Variants in SHISAL2A observed in about 807,000 individuals in gnomAD.
SHISAL2A encodes the protein shisa like 2A.
In SHISAL2A, 18 loss-of-function variants were observed where a neutral mutation model predicts 11.5. The observed-to-expected ratio is 1.57, with a 90% confidence interval of 1.08 to 2.33. The LOEUF (loss-of-function observed/expected upper bound fraction) is 2.33, where lower values mean the gene tolerates loss of function less well. Ranked by LOEUF, SHISAL2A falls within the 30% of genes most tolerant of loss-of-function variation. SHISAL2A has a pLI of 0.00. For synonymous variants in SHISAL2A, 94 were observed against 99.6 expected, an observed-to-expected ratio of 0.94 and a Z score of 0.34; for missense variants, 261 against 250.9, an observed-to-expected ratio of 1.04 and a Z score of -0.27.
intron 5 of SHISAL2A, among the ~76,000 whole-genome samples, chr1:52,668,071 C>T (rs1692044842): frequency 6.6e-6 from 1 of 152,162 alleles, no homozygotes; most frequent in African/African-American, 2.4e-5. Context: ...GCCATGGCAG[C>T]AGGGTGGCTG....
chr1:52,656,840 G>T lies in SHISAL2A; in HGVS notation c.373G>T (p.Ala125Ser). ...DCQGVNTGMA[A>S]EVPKVSPLQQ... ...CCAAGGTGTGAACACAGGCATGGCG[G>T]CAGAAGTGCCAAAAGTGAGCCCTCT... Residue 125 changes from alanine to serine, a missense_variant, in exon 3 of 3, where the codon GCA (alanine) becomes TCA (serine). By Grantham distance (99) the Ala-to-Ser change is moderately conservative. Coordinates refer to ENST00000517870, the MANE Select transcript of SHISAL2A (RefSeq NM_001042693.3). The T allele has an allele frequency of 6.2e-7, 1 of 1,614,024 alleles. No individual in the cohort carries two copies. The highest frequency in any genetic ancestry group is 8.5e-7 in the Non-Finnish European group (1 of 1,179,966).
At chr1:52,652,890 C>T (rs1448406350) in intron 2 of SHISAL2A, among the ~76,000 whole-genome samples, 2 of 134,632 alleles carry the variant, frequency 1.5e-5, no homozygotes, top group Non-Finnish European at 3.1e-5. Flanking sequence ...GGCATGAACC[C>T]TGGAGGGAGA....
At chr1:52,656,523 T>G (rs112211322) in intron 2 of SHISAL2A, among the ~76,000 whole-genome samples, 1 of 152,238 alleles carries the variant, frequency 6.6e-6, no homozygotes, top group African/African-American at 2.4e-5. Context: ...ACCTACCTCA[T>G]AGGGTTATGG....
chr1:52,659,817 T>A (rs1170112063), downstream of SHISAL2A, among the ~76,000 whole-genome samples: 1 of 152,172 alleles, frequency 6.6e-6, no homozygotes, highest in Non-Finnish European at 1.5e-5. Context: ...ATCCAACTTT[T>A]CTCTGAACAC....
chr1:52,635,687 C>A lies in SHISAL2A; in HGVS notation c.182+2012C>A, dbSNP rs573913594. Among the ~76,000 whole-genome samples the A allele has an allele frequency of 1.1e-3, 173 of 152,098 alleles. 3 individuals are homozygous for A. Among genetic ancestry groups the A allele is most frequent in the Non-Finnish European group, 3.1e-4 (21 of 68,028 alleles). Reference sequence around the variant, plus strand: ...ACAAATCATGTGACCTCCAGCTACACGACTCCTGAACCATAATTCTAACCT... The same window carrying A: ...ACAAATCATGTGACCTCCAGCTACAAGACTCCTGAACCATAATTCTAACCT... On this transcript the variant is annotated intron_variant, in intron 1 of 2. Transcript: ENST00000517870.
downstream of SHISAL2A, among the ~76,000 whole-genome samples, chr1:52,658,467 G>A (rs981526589): frequency 6.6e-6 from 1 of 152,142 alleles, no homozygotes; most frequent in Non-Finnish European, 1.5e-5. Flanking sequence ...CAAATGCCTG[G>A]TTAAAATCCT....
At chr1:52,651,901 A>C (rs1309515047) in intron 2 of SHISAL2A, among the ~76,000 whole-genome samples, 1 of 152,228 alleles carries the variant, frequency 6.6e-6, no homozygotes, top group Non-Finnish European at 1.5e-5. Context: ...TGTATTTTCT[A>C]CACCATTTTA....
chr1:52,633,644 C>T lies in SHISAL2A; in HGVS notation c.151C>T (p.Pro51Ser), dbSNP rs558013075. The T allele has an allele frequency of 2.8e-5, 45 of 1,613,304 alleles. No individual in the cohort carries two copies. In the South Asian group the frequency reaches 4.7e-4, roughly 17 times the overall value. The change falls in exon 1 of 3, where the codon CCC becomes TCC. Residue 51 changes from proline to serine, a missense_variant. Transcript: ENST00000517870. The surrounding 1 kb of genome is among the most constrained non-coding windows in gnomAD (Gnocchi z 6.4). ...YCCDDPHSFFPYEHSYMWWLS... is the reference protein window; with the variant it reads ...YCCDDPHSFFSYEHSYMWWLS... ...CTGCGACGACCCGCACAGCTTCTTCCCCTACGAGCACAGCTACATGTGGTG... is the reference window on the plus strand; with the variant it reads ...CTGCGACGACCCGCACAGCTTCTTCTCCTACGAGCACAGCTACATGTGGTG...
At chr1:52,640,163 A>G (rs1027711245) in intron 1 of SHISAL2A, 1 of 152,176 alleles carries the variant, frequency 6.6e-6, no homozygotes, top group Non-Finnish European at 1.5e-5. Flanking sequence ...CCAATAATTT[A>G]TTTAGCCATG....
downstream of SHISAL2A, among the ~76,000 whole-genome samples, chr1:52,659,099 C>T (rs1408903663): frequency 6.6e-6 from 1 of 151,558 alleles, no homozygotes; most frequent in African/African-American, 2.4e-5. Context: ...GAGACAGTCT[C>T]ATTCTGTCAC....
Position 52,657,032 on chromosome 1 carries a change from G to A in SHISAL2A, c.565G>A (p.Val189Ile). The A allele has an allele frequency of 1.9e-6, 3 of 1,599,732 alleles. No homozygotes were observed. The highest frequency in any genetic ancestry group is 2.6e-6 in the Non-Finnish European group (3 of 1,171,614). ...ACCCAACCCTGACCTATGTGGACCAGTCCCATAAACATTCAATAAATGTCT... is the reference window on the plus strand; with the variant it reads ...ACCCAACCCTGACCTATGTGGACCAATCCCATAAACATTCAATAAATGTCT... ...SVPNPDLCGP[V>I]P is the part of the protein sequence containing the mutation. Residue 189 changes from valine to isoleucine, a missense_variant, in exon 3 of 3, where the codon GTC (valine) becomes ATC (isoleucine). Coordinates refer to ENST00000517870, the MANE Select transcript of SHISAL2A (RefSeq NM_001042693.3).
chr1:52,657,771 G>A (rs1571700372), downstream of SHISAL2A, among the ~76,000 whole-genome samples: 1 of 152,108 alleles, frequency 6.6e-6, no homozygotes, highest in Admixed American at 6.6e-5. Context: ...AGGAGAATCA[G>A]TTGAGCCCTG....
At chr1:52,634,120 T>C (rs1019891016) in intron 1 of SHISAL2A, among the ~76,000 whole-genome samples, 1 of 152,160 alleles carries the variant, frequency 6.6e-6, no homozygotes, top group Non-Finnish European at 1.5e-5. Context: ...TCCCCAGTAC[T>C]GACCCCAGAC....
At chr1:52,643,108 C>A in intron 2 of SHISAL2A, 106 bp downstream of exon 2, 1 of 1,141,016 alleles carries the variant, frequency 8.8e-7, no homozygotes, top group Non-Finnish European at 1.3e-6. Context: ...ATGACTATTC[C>A]TGGAATATGC....
At chr1:52,658,044 CT>C (rs10714496), downstream of SHISAL2A, among the ~76,000 whole-genome samples, 98,872 of 147,740 alleles carry the variant, frequency 0.67, 33,767 homozygotes, top group East Asian at 0.98. Context: ...TACTAGAAGA[CT>C]TTTTTTTTTT....
rs1691165931 is a variant in SHISAL2A at position 52,633,256 on chromosome 1, G to GGCCCCCGCCGCCCGCCCCGCCT, written c.-232_-211dup. 1 of 340,112 alleles carries GGCCCCCGCCGCCCGCCCCGCCT rather than the reference G, an allele frequency of 2.9e-6. No individual in the cohort carries two copies. Among genetic ancestry groups the GGCCCCCGCCGCCCGCCCCGCCT allele is most frequent in the African/African-American group, 2.2e-5 (1 of 46,452 alleles). The allele number at this position is 340,112 out of a possible 1,614,324, so 21.1% of individuals were successfully genotyped here. ...TCCAGCAGCCGTCACTCCCGCCGCCGGCCCCCGCCGCCCGCCCCGCCTGCC... is the reference window on the plus strand; with the variant it reads ...TCCAGCAGCCGTCACTCCCGCCGCCGGCCCCCGCCGCCCGCCCCGCCTGCCCCCGCCGCCCGCCCCGCCTGCC... On this transcript the variant is annotated 5_prime_UTR_variant, in exon 1 of 3. Transcript: ENST00000517870. This position sits in a 1 kb window ranked among gnomAD's most constrained non-coding sequence, Gnocchi z 6.4.
chr1:52,636,025 G>A (rs1571675955), intron 1 of SHISAL2A, among the ~76,000 whole-genome samples: 1 of 152,260 alleles, frequency 6.6e-6, no homozygotes, highest in Non-Finnish European at 1.5e-5. Flanking sequence ...TTTGTTGAAG[G>A]CCCACTGTGT....
chr1:52,637,622 C>T (rs752577567), intron 1 of SHISAL2A, among the ~76,000 whole-genome samples: 3 of 152,158 alleles, frequency 2.0e-5, no homozygotes, highest in Admixed American at 1.3e-4. Flanking sequence ...GCAGCCTTGC[C>T]GGAAGGCAGA....
Position 52,642,915 on chromosome 1 carries a change from A to G in SHISAL2A, c.235A>G (p.Ile79Val), listed in dbSNP as rs1691401353. 6.2e-7 allele frequency: 1 copy of G among 1,612,206 alleles called. No individual in the cohort carries two copies. ...SVAAVVLLAF[I>V]VTACVLCYLF... ...AGCAGCAGTGGTTCTTCTCGCCTTC[A>G]TTGTTACCGCCTGTGTGCTCTGCTA... Residue 79 changes from isoleucine to valine, a missense_variant, in exon 2 of 3, where the codon ATT becomes GTT. By Grantham distance (29) the Ile-to-Val change is conservative. Transcript: ENST00000517870.
Sources: allele counts gnomAD v4.1 joint callset (sites outside exome capture counted in the v4.1 genomes callset), GRCh38; gene constraint gnomAD v4.1.1; non-coding constraint Gnocchi (gnomAD v3.1); transcripts MANE v1.5; gene names NCBI Gene and HGNC (gene_info 2026-07-23, HGNC 2026-07-21).